CACNA1C: variants seen among roughly 807,000 people sequenced by gnomAD.
CACNA1C encodes voltage-dependent L-type calcium channel subunit alpha-1C.
A neutral mutation model predicts 229.0 loss-of-function variants in CACNA1C; 30 were observed. The observed-to-expected ratio is 0.13, with a 90% CI of 0.10 to 0.18. CACNA1C has a LOEUF of 0.18. Among genes scored for constraint, CACNA1C ranks in the 10% least tolerant of loss-of-function variants. The pLI is 1.00. For synonymous variants in CACNA1C, 1,114 were observed against 1,132.5 expected (o/e 0.98, Z 0.33); for missense variants, 1,658 against 2,845.0 (o/e 0.58, Z 9.49).
intron 7 of CACNA1C, among the ~76,000 whole-genome samples, chr12:2,498,447 CTTTA>C (rs1241977801): frequency 2.0e-5 from 3 of 152,198 alleles, no homozygotes; most frequent in African/African-American, 7.2e-5. Context: ...CAAAGCCATT[CTTTA>C]TTTATTTATT....
At chr12:2,328,525 C>T (rs914800598) in intron 3 of CACNA1C, among the ~76,000 whole-genome samples, 2 of 152,194 alleles carry the variant, frequency 1.3e-5, no homozygotes, top group Admixed American at 1.3e-4. Flanking sequence ...TGCTTTTGTT[C>T]ATTCTCCCTA....
intron 3 of CACNA1C, among the ~76,000 whole-genome samples, chr12:2,263,170 A>G (rs1389362328): frequency 1.4e-4 from 22 of 152,010 alleles, no homozygotes; most frequent in Non-Finnish European, 5.9e-5. Flanking sequence ...GGATCTGGGG[A>G]GAGGGCATTC....
intron 1 of CACNA1C, among the ~76,000 whole-genome samples, chr12:2,089,244 G>T (rs1212620867): frequency 6.6e-6 from 1 of 152,246 alleles, no homozygotes; most frequent in Admixed American, 6.5e-5. Context: ...AACCACCCCT[G>T]TCTGTCCCCC....
chr12:2,444,833 C>T (rs889832349), intron 3 of CACNA1C, among the ~76,000 whole-genome samples: 3 of 152,148 alleles, frequency 2.0e-5, no homozygotes, highest in African/African-American at 7.2e-5. Flanking sequence ...TCTCACCAAT[C>T]CCACTATCTC....
At chr12:2,460,794 G>A (rs941848113) in intron 5 of CACNA1C, among the ~76,000 whole-genome samples, 2 of 152,230 alleles carry the variant, frequency 1.3e-5, no homozygotes, top group Admixed American at 6.5e-5. Context: ...ATGCATAGGA[G>A]CAGCAACGGT....
intron 30 of CACNA1C, among the ~76,000 whole-genome samples, chr12:2,636,548 T>C (rs1011945356): frequency 1.7e-4 from 26 of 152,312 alleles, no homozygotes; most frequent in African/African-American, 6.3e-4. Flanking sequence ...CCTTTAAATT[T>C]GACAGGTAAG....
intron 3 of CACNA1C, among the ~76,000 whole-genome samples, chr12:2,351,222 G>C (rs11062197): frequency 0.24 from 37,080 of 152,106 alleles, 4,669 homozygotes; most frequent in Admixed American, 0.26. Flanking sequence ...CAGTCACGCC[G>C]TACCCCCAGC....
At chr12:2,411,524 C>T (rs150377683) in intron 3 of CACNA1C, among the ~76,000 whole-genome samples, 37 of 152,268 alleles carry the variant, frequency 2.4e-4, no homozygotes, top group African/African-American at 8.7e-4. Context: ...AGCTAAGAAC[C>T]AGGAGGAACA....
chr12:2,054,781 C>T lies in CACNA1C; in HGVS notation c.49+1170C>T, dbSNP rs558597409. Among the ~76,000 whole-genome samples the T allele has an allele frequency of 6.6e-6, 1 of 152,336 alleles. No homozygotes were observed. The highest frequency in any genetic ancestry group is 2.1e-4 in the South Asian group (1 of 4,828). On this transcript the variant is annotated intron_variant, in intron 1 of 46. Transcript: ENST00000399655. This position sits in a 1 kb window ranked among gnomAD's most constrained non-coding sequence, Gnocchi z 5.5. ...CCAGAGCCTCCCTGTTTGCACTCTT[C>T]CTCTTCTCTTCCCCTGAAAGCCTAT...
At chr12:2,484,813 G>A (rs1008680560) in intron 5 of CACNA1C, among the ~76,000 whole-genome samples, 1 of 150,864 alleles carries the variant, frequency 6.6e-6, no homozygotes, top group Admixed American at 6.6e-5. Flanking sequence ...GCTAATTAAT[G>A]GAATCATTTC....
Position 2,403,592 on chromosome 12 carries a change from C to T in CACNA1C, c.478-45384C>T, listed in dbSNP as rs535312851. ...AAGTGACAGCTTTTACCACTCCTGGCAGCTGCTGCGAGACAAGATAATTTA... is the reference window on the plus strand; with the variant it reads ...AAGTGACAGCTTTTACCACTCCTGGTAGCTGCTGCGAGACAAGATAATTTA... On this transcript the variant is annotated intron_variant, in intron 3 of 46. Coordinates refer to ENST00000399655, the MANE Select transcript of CACNA1C (RefSeq NM_000719.7). This position sits in a 1 kb window ranked among gnomAD's most constrained non-coding sequence, Gnocchi z 4.1. 2.6e-5 allele frequency among the ~76,000 whole-genome samples: 4 copies of T among 152,288 alleles called. No individual in the cohort carries two copies. In the East Asian group the frequency reaches 5.8e-4, roughly 22 times the overall value.
At chr12:2,043,745 T>C (rs2050582303) in intron 1 of CACNA1C, among the ~76,000 whole-genome samples, 1 of 141,676 alleles carries the variant, frequency 7.1e-6, no homozygotes, top group African/African-American at 2.8e-5. Context: ...AAGCTCCGCT[T>C]CCCGGGTTCA....
intron 3 of CACNA1C, among the ~76,000 whole-genome samples, chr12:2,413,772 G>A (rs769465151): frequency 8.5e-5 from 13 of 152,136 alleles, no homozygotes; most frequent in Admixed American, 2.6e-4. Flanking sequence ...CACGGAGAAG[G>A]CCCTCCACTG....
At position 2,504,861 on chromosome 12, in the gene CACNA1C, G is replaced by A; in HGVS notation, c.1133G>A (p.Arg378Lys). The A allele has an allele frequency of 6.3e-7, 1 of 1,596,254 alleles. No individual in the cohort carries two copies. The highest frequency in any genetic ancestry group is 8.6e-7 in the Non-Finnish European group (1 of 1,163,940). Residue 378 changes from arginine (R) to lysine (K), a missense_variant, in exon 8 of 47, where the codon AGG becomes AAG. Around this residue, in one of 20 missense-constraint regions of CACNA1C, gnomAD observed 84 missense variants for 202.6 expected, o/e 0.41. Transcript: ENST00000399655. This position sits in a 1 kb window ranked among gnomAD's most constrained non-coding sequence, Gnocchi z 6.8. Reference sequence around the variant, plus strand: ...TTCCAGGTCAATGATGCCGTAGGAAGGGACTGGCCCTGGATCTATTTTGTT... The same window carrying A: ...TTCCAGGTCAATGATGCCGTAGGAAAGGACTGGCCCTGGATCTATTTTGTT... ...VLYWVNDAVG[R>K]DWPWIYFVTL...
intron 1 of CACNA1C, among the ~76,000 whole-genome samples, chr12:2,103,253 C>G (rs916970051): frequency 6.6e-6 from 1 of 152,186 alleles, no homozygotes; most frequent in African/African-American, 2.4e-5. Flanking sequence ...TCTGTTGTTT[C>G]CTGAGTTTTT....
At chr12:2,507,042 C>T (rs893406241) in intron 8 of CACNA1C, among the ~76,000 whole-genome samples, 9 of 152,212 alleles carry the variant, frequency 5.9e-5, no homozygotes, top group African/African-American at 1.4e-4. Flanking sequence ...TGTATTTAGA[C>T]CCCTCACCCC....
At chr12:2,106,814 G>A (rs1224165522) in intron 1 of CACNA1C, among the ~76,000 whole-genome samples, 18 of 130,748 alleles carry the variant, frequency 1.4e-4, no homozygotes, top group African/African-American at 4.2e-4. Context: ...CCCCGGGGAG[G>A]GTTTCCACCT....
intron 42 of CACNA1C, chr12:2,682,187 G>T (rs746624233): frequency 2.4e-4 from 148 of 622,920 alleles, no homozygotes; most frequent in Middle Eastern, 5.1e-4. Flanking sequence ...GGAGGTGAGT[G>T]GGGGGCAGCC....
rs1333565992 is a variant in CACNA1C at position 2,287,290 on chromosome 12, C to T, written c.478-161686C>T. Among the ~76,000 whole-genome samples the T allele has an allele frequency of 2.6e-5, 4 of 152,212 alleles. No individual in the cohort carries two copies. Among genetic ancestry groups the T allele is most frequent in the Admixed American group, 1.3e-4 (2 of 15,290 alleles). ...GGGCAAGTATTGAGTCATTCCTGCT[C>T]GTCTGGATTGTGATTGCGACCCGTG... On this transcript the variant is annotated intron_variant, in intron 3 of 46. Transcript: ENST00000399655. The surrounding 1 kb of genome is among the most constrained non-coding windows in gnomAD (Gnocchi z 4.6).
Sources: gnomAD v4.1 joint callset for allele counts (sites outside exome capture counted in the v4.1 genomes callset) on GRCh38, gnomAD v4.1.1 for gene constraint, gnomAD v4.1.1 regional missense constraint, Gnocchi (gnomAD v3.1) non-coding constraint, MANE v1.5 for transcripts, NCBI Gene and HGNC (gene_info 2026-07-23, HGNC 2026-07-21) for gene names.